PTPRG: variants seen among roughly 807,000 people sequenced by gnomAD.
PTPRG encodes the protein protein tyrosine phosphatase receptor type G.
A neutral mutation model predicts 165.3 loss-of-function variants in PTPRG; 102 were observed. The observed-to-expected ratio is 0.62, with a 90% CI of 0.53 to 0.73. The LOEUF (loss-of-function observed/expected upper bound fraction) is 0.73, where lower values mean the gene tolerates loss of function less well. Ranked by LOEUF, PTPRG falls within the 30% of genes least tolerant of loss-of-function variation. The probability of loss-of-function intolerance (pLI) is 0.00; values close to 1 mark genes in which losing one functional copy is unlikely to be tolerated. For missense variants in PTPRG, 1,866 were observed against 1,861.4 expected (o/e 1.00, Z -0.05); for synonymous variants, 675 against 669.5 (o/e 1.01, Z -0.13).
At chr3:62,029,570 C>T (rs1457920250) in intron 4 of PTPRG, among the ~76,000 whole-genome samples, 1 of 152,212 alleles carries the variant, frequency 6.6e-6, no homozygotes, top group Non-Finnish European at 1.5e-5. Context: ...GGAAAACTTA[C>T]CATCTGGATG....
At chr3:61,723,664 C>T (rs2032141477) in intron 1 of PTPRG, among the ~76,000 whole-genome samples, 1 of 152,120 alleles carries the variant, frequency 6.6e-6, no homozygotes, top group African/African-American at 2.4e-5. Flanking sequence ...CCCATATACC[C>T]CCTTTTTTTG....
intron 8 of PTPRG, among the ~76,000 whole-genome samples, 157 bp from the exon 9 acceptor site, chr3:62,191,312 C>T (rs1699812800): frequency 6.6e-6 from 1 of 152,052 alleles, no homozygotes; most frequent in South Asian, 2.1e-4. Context: ...TTCTCCCTCT[C>T]TCTCTACACA....
In PTPRG at chr3:61,894,929, T is replaced by C. The variant is rs184688777; in HGVS notation, c.191-94696T>C. Among the ~76,000 whole-genome samples the C allele has an allele frequency of 2.9e-3, 439 of 152,272 alleles. 2 individuals are homozygous for C. Among genetic ancestry groups the C allele is most frequent in the Non-Finnish European group, 4.4e-3 (300 of 68,010 alleles). ...GTCAGGAGTTTGAATCTCAGCACCATTGATATTTGGGGCCCCATAAGTCTT... is the reference window on the plus strand; with the variant it reads ...GTCAGGAGTTTGAATCTCAGCACCACTGATATTTGGGGCCCCATAAGTCTT... On this transcript the variant is annotated intron_variant, in intron 2 of 29. Coordinates refer to ENST00000474889, the MANE Select transcript of PTPRG (RefSeq NM_002841.4).
At chr3:62,050,300 C>T (rs1436352078) in intron 4 of PTPRG, among the ~76,000 whole-genome samples, 4 of 152,006 alleles carry the variant, frequency 2.6e-5, no homozygotes, top group South Asian at 2.1e-4. Flanking sequence ...GTTTAGATAC[C>T]GAAATACTTA....
rs147824165 is a variant in PTPRG, at chr3:61,571,395, A to G, written c.85+9023A>G. On this transcript the variant is annotated intron_variant, in intron 1 of 29. Coordinates refer to ENST00000474889, the MANE Select transcript of PTPRG (RefSeq NM_002841.4). ...TTTTCCTAATTGCACAGGAGGGCCA[A>G]TTGAAAGATCTAGCTTTTTATGTAT... 3.3e-4 allele frequency among the ~76,000 whole-genome samples: 51 copies of G among 152,324 alleles called. No homozygotes were observed. The East Asian group carries it at 5.0e-3, about 15-fold the overall frequency.
intron 2 of PTPRG, among the ~76,000 whole-genome samples, chr3:61,812,685 A>G (rs1005620370): frequency 3.3e-5 from 5 of 152,348 alleles, no homozygotes; most frequent in Admixed American, 1.3e-4. Flanking sequence ...AAATGACTCA[A>G]GAGTCTTTAA....
rs188698788 is a variant in PTPRG at position 61,826,282 on chromosome 3, A to G, written c.190+77300A>G. Among the ~76,000 whole-genome samples the G allele has an allele frequency of 6.6e-4, 100 of 152,294 alleles. No homozygotes were observed. In the Middle Eastern group the frequency reaches 0.017, roughly 26 times the overall value. Reference sequence around the variant, plus strand: ...GACTCTTTCCCCTACGGTGAGTAGTATATAGTGAATATCAATGCTGATACA... The same window carrying G: ...GACTCTTTCCCCTACGGTGAGTAGTGTATAGTGAATATCAATGCTGATACA... On this transcript the variant is annotated intron_variant, in intron 2 of 29. Coordinates refer to ENST00000474889, the MANE Select transcript of PTPRG (RefSeq NM_002841.4).
At chr3:61,922,402 C>T (rs1048145852) in intron 2 of PTPRG, among the ~76,000 whole-genome samples, 3 of 152,204 alleles carry the variant, frequency 2.0e-5, no homozygotes, top group African/African-American at 7.2e-5. Context: ...GACAAGAAAG[C>T]TGGCAATAGT....
chr3:62,132,656 G>GT lies in PTPRG; in HGVS notation c.671dup (p.Val225ArgfsTer4), dbSNP rs1559548375. Reference sequence around the variant, plus strand: ...TCCTATTATCCACGGGTTGAAGGGTGTCGTACATCATGGTAAGTATGCCAC... The same window carrying GT: ...TCCTATTATCCACGGGTTGAAGGGTGTTCGTACATCATGGTAAGTATGCCAC... On this transcript the variant is annotated frameshift_variant, in exon 6 of 30. Transcript: ENST00000474889. LOFTEE classifies it high-confidence loss of function. 1 of 1,610,918 alleles carries GT rather than the reference G, an allele frequency of 6.2e-7. No individual in the cohort carries two copies.
chr3:61,840,648 A>C (rs375445878), intron 2 of PTPRG, among the ~76,000 whole-genome samples: 102 of 152,260 alleles, frequency 6.7e-4, no homozygotes, highest in African/African-American at 2.4e-3. Flanking sequence ...GGGTGGGTAC[A>C]TGGGACAGAG....
Position 62,271,306 on chromosome 3 carries a change from C to A in PTPRG, c.3010-77C>A. 1 of 1,291,922 alleles carries A rather than the reference C, an allele frequency of 7.7e-7. No individual in the cohort carries two copies. The highest frequency in any genetic ancestry group is 1.1e-6 in the Non-Finnish European group (1 of 923,870). The allele number at this position is 1,291,922 out of a possible 1,614,324, so 80.0% of individuals were successfully genotyped here. On this transcript the variant is annotated intron_variant, in intron 20 of 29. Coordinates refer to ENST00000474889, the MANE Select transcript of PTPRG (RefSeq NM_002841.4). The surrounding 1 kb of genome is among the most constrained non-coding windows in gnomAD (Gnocchi z 4.1). ...GTGAATGTGATCAGTGGTCATGTGTCCTGACACCCTTACATTATTTTTTTC... is the reference window on the plus strand; with the variant it reads ...GTGAATGTGATCAGTGGTCATGTGTACTGACACCCTTACATTATTTTTTTC...
At chr3:61,591,199 G>C (rs1249011682) in intron 1 of PTPRG, among the ~76,000 whole-genome samples, 1 of 152,216 alleles carries the variant, frequency 6.6e-6, no homozygotes, top group Non-Finnish European at 1.5e-5. Flanking sequence ...GCCAGTATTT[G>C]TTTAGGGTCA....
chr3:61,837,709 G>T (rs2036510977), intron 2 of PTPRG, among the ~76,000 whole-genome samples: 2 of 152,152 alleles, frequency 1.3e-5, no homozygotes, highest in Non-Finnish European at 2.9e-5. Context: ...AATTTTGAGG[G>T]ATTATTGAAA....
intron 2 of PTPRG, among the ~76,000 whole-genome samples, chr3:61,808,139 T>C (rs746857764): frequency 6.6e-6 from 1 of 152,214 alleles, no homozygotes; most frequent in African/African-American, 2.4e-5. Flanking sequence ...TTCTTTAGGA[T>C]TGGACCTTTT....
intron 2 of PTPRG, among the ~76,000 whole-genome samples, chr3:61,892,752 G>A (rs2038250108): frequency 6.6e-6 from 1 of 151,564 alleles, no homozygotes. Context: ...GGAGGGGGAG[G>A]TTGCAGTGAG....
rs1703561729 is a variant in PTPRG, at chr3:62,132,679, C to T, written c.682+11C>T. On this transcript the variant is annotated intron_variant, in intron 6 of 29. Coordinates refer to ENST00000474889, the MANE Select transcript of PTPRG (RefSeq NM_002841.4). Reference sequence around the variant, plus strand: ...GTGTCGTACATCATGGTAAGTATGCCACATACACTTCCTTTTGCTGGGATG... The same window carrying T: ...GTGTCGTACATCATGGTAAGTATGCTACATACACTTCCTTTTGCTGGGATG... 3 of 1,595,330 alleles carry T rather than the reference C, an allele frequency of 1.9e-6. No homozygotes were observed. The highest frequency in any genetic ancestry group is 2.6e-6 in the Non-Finnish European group (3 of 1,162,918).
chr3:61,979,401 A>G (rs1382798), intron 2 of PTPRG, among the ~76,000 whole-genome samples: 66,608 of 151,802 alleles, frequency 0.44, 15,000 homozygotes, highest in African/African-American at 0.56. Context: ...TGTTGAACAG[A>G]TATGAAAATA....
intron 2 of PTPRG, among the ~76,000 whole-genome samples, chr3:61,913,409 C>T (rs1011176174): frequency 4.6e-5 from 7 of 152,066 alleles, no homozygotes; most frequent in South Asian, 2.1e-4. Flanking sequence ...TTAGTAGAGA[C>T]GGGATTTCGC....
intron 5 of PTPRG, among the ~76,000 whole-genome samples, chr3:62,114,154 C>T (rs1038673177): frequency 6.6e-6 from 1 of 152,098 alleles, no homozygotes; most frequent in South Asian, 2.1e-4. Flanking sequence ...CGAAACTTAC[C>T]TGGACATGGT....
Sources: allele counts gnomAD v4.1 joint callset (sites outside exome capture counted in the v4.1 genomes callset), GRCh38; gene constraint gnomAD v4.1.1; non-coding constraint Gnocchi (gnomAD v3.1); transcripts MANE v1.5; gene names NCBI Gene and HGNC (gene_info 2026-07-23, HGNC 2026-07-21).